Variants in AVL9 observed in about 807,000 individuals in gnomAD.
AVL9 encodes late secretory pathway protein AVL9 homolog.
Under a neutral mutation model 79.2 loss-of-function variants are expected in AVL9, and 49 were observed. The observed-to-expected ratio is 0.62, with a 90% CI of 0.49 to 0.79. AVL9 has a LOEUF of 0.79. Among genes scored for constraint, AVL9 ranks in the 30% least tolerant of loss-of-function variants. The pLI is 0.00. For synonymous variants in AVL9, 299 were observed against 280.6 expected, an observed-to-expected ratio of 1.07 and a Z score of -0.65; for missense variants, 682 against 776.8, an observed-to-expected ratio of 0.88 and a Z score of 1.45.
intron 3 of AVL9, among the ~76,000 whole-genome samples, chr7:32,546,541 G>C (rs886250812): frequency 1.3e-4 from 20 of 152,276 alleles, no homozygotes; most frequent in African/African-American, 4.8e-4. Context: ...GAGAAAAGAG[G>C]CTGGACCCCG....
Position 32,588,479 on chromosome 7 carries a change from G to A in AVL9, c.*4572G>A, listed in dbSNP as rs1268729859. The stretch of plus-strand genomic sequence containing the variant: ...CACAAACCTTTTTAAAGAAAATTTA[G>A]CTGAGAAAACTTAAAAAGTTTTCTA... On this transcript the variant is annotated 3_prime_UTR_variant, in exon 16 of 16. Transcript: ENST00000318709. 6.6e-6 allele frequency: 1 copy of A among 152,134 alleles called. No individual in the cohort carries two copies. The highest frequency in any genetic ancestry group is 1.5e-5 in the Non-Finnish European group (1 of 68,024). 9.4% of individuals were successfully genotyped at this position (152,134 alleles called of 1,614,324 possible).
intron 1 of AVL9, among the ~76,000 whole-genome samples, chr7:32,506,742 T>C (rs13235787): frequency 0.19 from 28,578 of 150,554 alleles, 2,988 homozygotes; most frequent in South Asian, 0.31. Context: ...ACCCTGTCTC[T>C]ATTTAAAAAA....
chr7:32,552,665 C>T (rs1180790499), intron 6 of AVL9, among the ~76,000 whole-genome samples: 1 of 152,026 alleles, frequency 6.6e-6, no homozygotes, highest in African/African-American at 2.4e-5. Context: ...GCCACAGCCT[C>T]CTGAGTAGCT....
intron 1 of AVL9, among the ~76,000 whole-genome samples, chr7:32,513,646 C>T (rs1583497168): frequency 2.0e-5 from 3 of 152,296 alleles, no homozygotes; most frequent in East Asian, 1.9e-4. Flanking sequence ...GGGTATTTCT[C>T]GCAAGGTGGA....
At chr7:32,583,321 T>G (rs956650319) in intron 15 of AVL9, among the ~76,000 whole-genome samples, 2 of 152,224 alleles carry the variant, frequency 1.3e-5, no homozygotes, top group Non-Finnish European at 2.9e-5. Flanking sequence ...CCTTAAGACA[T>G]TCCCATGGAA....
intron 1 of AVL9, among the ~76,000 whole-genome samples, chr7:32,523,508 C>CTT (rs70992725): frequency 0.22 from 17,614 of 79,184 alleles, 3,189 homozygotes; most frequent in East Asian, 0.28. Context: ...TATAAATTTC[C>CTT]TTTTTTTTTT....
intron 1 of AVL9, among the ~76,000 whole-genome samples, chr7:32,505,483 A>G (rs1243489977): frequency 6.6e-6 from 1 of 151,360 alleles, no homozygotes; most frequent in East Asian, 2.0e-4. Flanking sequence ...AGATCACGCC[A>G]CTATACTCCA....
intron 1 of AVL9, among the ~76,000 whole-genome samples, chr7:32,526,265 G>A (rs1410814067): frequency 1.3e-5 from 2 of 152,132 alleles, no homozygotes; most frequent in Non-Finnish European, 2.9e-5. Context: ...ACTGCTTCCT[G>A]CTGACAGGAG....
At chr7:32,524,187 A>C (rs919586342) in intron 1 of AVL9, among the ~76,000 whole-genome samples, 2 of 152,026 alleles carry the variant, frequency 1.3e-5, no homozygotes, top group Non-Finnish European at 2.9e-5. Context: ...ACTTTATGTA[A>C]GGTAGTTGTG....
intron 1 of AVL9, among the ~76,000 whole-genome samples, chr7:32,520,122 A>G (rs1788078289): frequency 6.6e-6 from 1 of 152,220 alleles, no homozygotes; most frequent in African/African-American, 2.4e-5. Context: ...CATATCATTC[A>G]CAAATAACAA....
chr7:32,515,795 A>G (rs1487054260), intron 1 of AVL9, among the ~76,000 whole-genome samples: 1 of 152,160 alleles, frequency 6.6e-6, no homozygotes, highest in Non-Finnish European at 1.5e-5. Context: ...GATTTGACCA[A>G]TTCTGCCTGA....
chr7:32,499,620 G>A lies in AVL9; in HGVS notation c.93+3818G>A, dbSNP rs189849565. Among the ~76,000 whole-genome samples the A allele has an allele frequency of 1.8e-3, 281 of 152,088 alleles. 1 individual carries two copies. The highest frequency in any genetic ancestry group is 2.8e-3 in the Non-Finnish European group (191 of 67,996). On this transcript the variant is annotated intron_variant, in intron 1 of 15. Coordinates refer to ENST00000318709, the MANE Select transcript of AVL9 (RefSeq NM_015060.3). The stretch of plus-strand genomic sequence containing the variant: ...ATACTTTAAGTTCTGGGATACATGT[G>A]CGAAACATTCGGGTTTGTTATATAG...
intron 1 of AVL9, among the ~76,000 whole-genome samples, chr7:32,497,550 T>C (rs143620304): frequency 6.7e-4 from 102 of 152,354 alleles, no homozygotes; most frequent in African/African-American, 2.3e-3. Context: ...GCATGGCTCA[T>C]TGAGTTGTGA....
chr7:32,509,388 G>A (rs144057125), intron 1 of AVL9, among the ~76,000 whole-genome samples: 3 of 152,028 alleles, frequency 2.0e-5, no homozygotes, highest in Admixed American at 6.6e-5. Context: ...AGTTCTCAGG[G>A]GTCACCTGTT....
intron 1 of AVL9, among the ~76,000 whole-genome samples, chr7:32,525,070 A>C (rs953594829): frequency 6.6e-6 from 1 of 152,186 alleles, no homozygotes; most frequent in Non-Finnish European, 1.5e-5. Context: ...GATGGTTCTC[A>C]TGAGCTGTTT....
At chr7:32,528,999 G>A (rs941406226) in intron 1 of AVL9, among the ~76,000 whole-genome samples, 1 of 152,150 alleles carries the variant, frequency 6.6e-6, no homozygotes, top group Non-Finnish European at 1.5e-5. Flanking sequence ...GACAGAGCGA[G>A]ACTGCATCTC....
chr7:32,505,999 T>G (rs1182867199), intron 1 of AVL9, among the ~76,000 whole-genome samples: 1 of 152,182 alleles, frequency 6.6e-6, no homozygotes, highest in Non-Finnish European at 1.5e-5. Context: ...AATCTCTGCT[T>G]GTTATGAACT....
At chr7:32,526,780 G>T (rs1788419132) in intron 1 of AVL9, among the ~76,000 whole-genome samples, 1 of 152,148 alleles carries the variant, frequency 6.6e-6, no homozygotes, top group Non-Finnish European at 1.5e-5. Context: ...GGCAGGGTTT[G>T]TTGGGTGAAA....
At chr7:32,506,162 TTTTAA>T (rs1787404643) in intron 1 of AVL9, among the ~76,000 whole-genome samples, 1 of 152,148 alleles carries the variant, frequency 6.6e-6, no homozygotes, top group Non-Finnish European at 1.5e-5. Flanking sequence ...TTTTTTTAAT[TTTTAA>T]TTTAAAATGT....
Sources: allele counts gnomAD v4.1 joint callset (sites outside exome capture counted in the v4.1 genomes callset), GRCh38; gene constraint gnomAD v4.1.1; transcripts MANE v1.5; gene names NCBI Gene and HGNC (gene_info 2026-07-23, HGNC 2026-07-21).